The following KAZN variants were observed in gnomAD, a reference collection of about 807,000 sequenced individuals.
KAZN encodes kazrin.
A neutral mutation model predicts 87.4 loss-of-function variants in KAZN; 40 were observed. That is an observed-to-expected ratio of 0.46 (90% CI 0.36 to 0.60). The LOEUF (loss-of-function observed/expected upper bound fraction) is 0.60, where lower values mean the gene tolerates loss of function less well. KAZN is among the 20% of genes least tolerant of loss of function. KAZN has a pLI of 0.00. For missense variants in KAZN, 898 were observed against 1,073.9 expected, an observed-to-expected ratio of 0.84 and a Z score of 2.29; for synonymous variants, 466 against 458.3, an observed-to-expected ratio of 1.02 and a Z score of -0.22.
At chr1:14,726,536 C>T (rs796886115) in intron 1 of KAZN, among the ~76,000 whole-genome samples, 5 of 152,300 alleles carry the variant, frequency 3.3e-5, no homozygotes, top group African/African-American at 7.2e-5. Context: ...CATCCTTCCT[C>T]GAGTGTCTGT....
At chr1:13,916,566 G>A (rs56316225) in intron 1 of KAZN, among the ~76,000 whole-genome samples, 21,575 of 152,104 alleles carry the variant, frequency 0.14, 1,711 homozygotes, top group Non-Finnish European at 0.19. Flanking sequence ...CTGTGCTCTT[G>A]CTGCTCAGAA....
At chr1:14,639,801 G>A (rs984177668) in intron 1 of KAZN, among the ~76,000 whole-genome samples, 1 of 152,178 alleles carries the variant, frequency 6.6e-6, no homozygotes, top group Non-Finnish European at 1.5e-5. Flanking sequence ...GCCATCCAGG[G>A]CATGGAAGGG....
chr1:13,998,595 C>A (rs1387579211), intron 1 of KAZN, among the ~76,000 whole-genome samples: 1 of 149,198 alleles, frequency 6.7e-6, no homozygotes, highest in East Asian at 2.0e-4. Context: ...ACAAAACAGA[C>A]TTTAAACCAA....
chr1:15,114,812 G>A lies in KAZN; in HGVS notation c.*177G>A, dbSNP rs1443872025. The A allele has an allele frequency of 1.2e-5, 7 of 594,340 alleles. No homozygotes were observed. The highest frequency in any genetic ancestry group is 2.0e-5 in the Non-Finnish European group (7 of 346,008). The allele number at this position is 594,340 out of a possible 1,614,324, so 36.8% of individuals were successfully genotyped here. On this transcript the variant is annotated 3_prime_UTR_variant, in exon 15 of 15. Transcript: ENST00000376030. ...GCTCCACAGCGCCCAGGAGAGAGAA[G>A]ACACCAGCCCACCTGTCTTGGGTGG...
At chr1:14,338,063 ACCCC>A (rs1370946381) in intron 2 of KAZN, among the ~76,000 whole-genome samples, 18 of 152,030 alleles carry the variant, frequency 1.2e-4, no homozygotes, top group African/African-American at 4.3e-4. Context: ...GTGAGAATGG[ACCCC>A]TTCCCACCCT....
intron 1 of KAZN, among the ~76,000 whole-genome samples, chr1:14,622,030 G>A (rs116656808): frequency 1.3e-3 from 201 of 152,336 alleles, no homozygotes; most frequent in African/African-American, 4.7e-3. Context: ...GCACATTGCA[G>A]ACAGTCAGCT....
intron 2 of KAZN, among the ~76,000 whole-genome samples, chr1:14,290,656 C>T (rs1475253504): frequency 6.6e-6 from 1 of 152,070 alleles, no homozygotes; most frequent in South Asian, 2.1e-4. Context: ...TTGTTATTAC[C>T]GACCTTGTGA....
intron 1 of KAZN, among the ~76,000 whole-genome samples, chr1:14,826,529 C>T (rs1646891480): frequency 6.6e-6 from 1 of 152,218 alleles, no homozygotes; most frequent in African/African-American, 2.4e-5. Context: ...CTGGGGGCGG[C>T]TGATGGCCCG....
chr1:14,092,094 T>C (rs1644009277), intron 1 of KAZN, among the ~76,000 whole-genome samples: 1 of 143,674 alleles, frequency 7.0e-6, no homozygotes, highest in East Asian at 2.0e-4. Context: ...TTTCTTTTCT[T>C]TTTTTTTTTT....
chr1:15,078,466 G>A (rs772171505), intron 8 of KAZN, among the ~76,000 whole-genome samples: 11 of 152,268 alleles, frequency 7.2e-5, no homozygotes, highest in Admixed American at 1.3e-4. Context: ...CAGACTGCAC[G>A]ACACTGCTTT....
At chr1:13,926,990 T>C (rs568601232) in intron 1 of KAZN, among the ~76,000 whole-genome samples, 48 of 152,218 alleles carry the variant, frequency 3.2e-4, no homozygotes, top group Admixed American at 7.2e-4. Flanking sequence ...TAAAATCCCA[T>C]GTCACTCGGC....
At chr1:14,464,435 C>A (rs9429230) in intron 2 of KAZN, among the ~76,000 whole-genome samples, 10,817 of 152,158 alleles carry the variant, frequency 0.071, 899 homozygotes, top group African/African-American at 0.2. Flanking sequence ...TTTGGTTTAC[C>A]CAAGTCCTCC....
At chr1:14,729,179 G>C (rs1179399530) in intron 1 of KAZN, among the ~76,000 whole-genome samples, 1 of 152,170 alleles carries the variant, frequency 6.6e-6, no homozygotes, top group Non-Finnish European at 1.5e-5. Flanking sequence ...CCCACGTCTA[G>C]GGCCTGTGAA....
intron 1 of KAZN, among the ~76,000 whole-genome samples, chr1:14,060,145 C>T (rs578017008): frequency 8.7e-4 from 133 of 152,158 alleles, no homozygotes; most frequent in African/African-American, 3.1e-3. Flanking sequence ...GGGCGGATCA[C>T]AAGGTCAGGA....
At chr1:14,095,898 G>A (rs1212725267) in intron 1 of KAZN, among the ~76,000 whole-genome samples, 1 of 152,038 alleles carries the variant, frequency 6.6e-6, no homozygotes, top group Non-Finnish European at 1.5e-5. Context: ...CATAGACTCC[G>A]TCCTGTAATG....
rs1409194747 is a variant in KAZN, at chr1:14,116,170, G to A, written c.92-64265G>A. 2.0e-5 allele frequency among the ~76,000 whole-genome samples: 3 copies of A among 152,324 alleles called. No homozygotes were observed. The East Asian group carries it at 5.8e-4, about 29-fold the overall frequency. The stretch of plus-strand genomic sequence containing the variant: ...AAATCCAAGCTGACTTAAGAAATTT[G>A]CGTAAGTAACAAGGAACCAATTGTT... On this transcript the variant is annotated intron_variant, in intron 1 of 16. Coordinates refer to the KAZN transcript ENST00000636203.
At chr1:14,465,686 G>A (rs1156851100) in intron 2 of KAZN, among the ~76,000 whole-genome samples, 1 of 152,174 alleles carries the variant, frequency 6.6e-6, no homozygotes, top group Non-Finnish European at 1.5e-5. Context: ...TTGTCAAGGG[G>A]AGGGAACTTG....
intron 2 of KAZN, among the ~76,000 whole-genome samples, chr1:14,424,504 A>G (rs1015917276): frequency 2.6e-5 from 4 of 152,102 alleles, no homozygotes; most frequent in African/African-American, 4.8e-5. Flanking sequence ...ACCCACACAT[A>G]CGCAGAGCCA....
At chr1:14,799,164 T>G (rs993961284) in intron 1 of KAZN, among the ~76,000 whole-genome samples, 2 of 152,162 alleles carry the variant, frequency 1.3e-5, no homozygotes, top group Non-Finnish European at 2.9e-5. Context: ...GTGGCATTGT[T>G]TGTTACTGCG....
Sources: allele counts gnomAD v4.1 joint callset (sites outside exome capture counted in the v4.1 genomes callset), GRCh38; gene constraint gnomAD v4.1.1; transcripts MANE v1.5; gene names NCBI Gene and HGNC (gene_info 2026-07-23, HGNC 2026-07-21).